OSBPL8: variants seen among roughly 807,000 people sequenced by gnomAD.
OSBPL8 encodes oxysterol-binding protein-related protein 8.
Under a neutral mutation model 125.5 loss-of-function variants are expected in OSBPL8, and 59 were observed. That is an observed-to-expected ratio of 0.47 (90% CI 0.38 to 0.58). OSBPL8 has a LOEUF of 0.58. Among genes scored for constraint, OSBPL8 ranks in the 20% least tolerant of loss-of-function variants. The pLI is 0.00. For missense variants in OSBPL8, 758 were observed against 1,047.8 expected (o/e 0.72, Z 3.82); for synonymous variants, 330 against 338.9 (o/e 0.97, Z 0.29).
In OSBPL8 at chr12:76,376,631, A is replaced by G. The variant is rs570016601; in HGVS notation, c.1730-1261T>C. On this transcript the variant is annotated intron_variant, in intron 16 of 23. Transcript: ENST00000261183. ...TTTCTAAATGATAGAAAATTTAAAA[A>G]TATGTGTTCTTATCAATTCATAATT... 1.1e-4 allele frequency among the ~76,000 whole-genome samples: 17 copies of G among 152,284 alleles called. No individual in the cohort carries two copies. In the East Asian group the frequency reaches 2.5e-3, roughly 22 times the overall value.
Position 76,386,579 on chromosome 12 carries a change from C to G in OSBPL8, c.1434G>C (p.Lys478Asn). The change falls in exon 13 of 24, where the codon AAG becomes AAC. Residue 478 changes from lysine (K) to asparagine (N), a missense_variant and splice_region_variant. Lys to Asn is a moderately conservative substitution (Grantham distance 94). This residue lies in a region of OSBPL8 where 572 missense variants were observed against 762.0 expected (regional missense o/e 0.75). Coordinates refer to ENST00000261183, the MANE Select transcript of OSBPL8 (RefSeq NM_020841.5). ...ATAAAATGTAAACAAACATTATTAC[C>G]TTTGGCTTTTTATAGAATCCTGACA... ...WYLSGFYKKP[K>N]GLKKPYNPIL... 6.3e-7 allele frequency: 1 copy of G among 1,588,820 alleles called. No homozygotes were observed. The highest frequency in any genetic ancestry group is 8.6e-7 in the Non-Finnish European group (1 of 1,165,076).
At chr12:76,461,453 T>C (rs1874720393) in intron 2 of OSBPL8, among the ~76,000 whole-genome samples, 1 of 152,032 alleles carries the variant, frequency 6.6e-6, no homozygotes, top group South Asian at 2.1e-4. Flanking sequence ...CCCCAGTCTT[T>C]CGTTTTTTGT....
At chr12:76,473,477 T>A (rs140475566) in intron 2 of OSBPL8, among the ~76,000 whole-genome samples, 1 of 152,170 alleles carries the variant, frequency 6.6e-6, no homozygotes, top group Non-Finnish European at 1.5e-5. Context: ...TTTTCAACCT[T>A]AGATGCACAT....
chr12:76,391,943 G>A (rs1366670132), intron 10 of OSBPL8, among the ~76,000 whole-genome samples: 1 of 152,146 alleles, frequency 6.6e-6, no homozygotes, highest in Non-Finnish European at 1.5e-5. Context: ...GGGACAGGGA[G>A]GAAATAGAAA....
At chr12:76,504,081 A>T (rs2137134324) in intron 1 of OSBPL8, among the ~76,000 whole-genome samples, 1 of 143,228 alleles carries the variant, frequency 7.0e-6, no homozygotes, top group South Asian at 2.1e-4. Flanking sequence ...CAACCACTTA[A>T]AGGCCAAAAA....
intron 21 of OSBPL8, among the ~76,000 whole-genome samples, chr12:76,361,703 CA>C (rs1456816071): frequency 2.0e-5 from 3 of 152,092 alleles, no homozygotes; most frequent in South Asian, 2.1e-4. Context: ...ATGGCAGCAG[CA>C]AAAGAGAATG....
At chr12:76,551,741 C>T (rs753500516) in intron 1 of OSBPL8, among the ~76,000 whole-genome samples, 4 of 152,162 alleles carry the variant, frequency 2.6e-5, no homozygotes, top group African/African-American at 4.8e-5. Flanking sequence ...AGAGGATCTC[C>T]TAACTTGGCC....
At chr12:76,392,289 T>G (rs902828319) in intron 10 of OSBPL8, among the ~76,000 whole-genome samples, 1 of 151,982 alleles carries the variant, frequency 6.6e-6, no homozygotes, top group African/African-American at 2.4e-5. Flanking sequence ...TAAGGAGGAG[T>G]AGGCAGAAAT....
chr12:76,553,835 G>A (rs930896802), intron 1 of OSBPL8, among the ~76,000 whole-genome samples: 1 of 151,072 alleles, frequency 6.6e-6, no homozygotes, highest in African/African-American at 2.4e-5. Context: ...AAATTAGCTG[G>A]GCATGGTGGC....
chr12:76,551,887 T>C (rs1950948963), intron 1 of OSBPL8, among the ~76,000 whole-genome samples: 1 of 152,184 alleles, frequency 6.6e-6, no homozygotes, highest in South Asian at 2.1e-4. Flanking sequence ...CTTCACACAA[T>C]TAAAATTTCT....
At chr12:76,415,555 C>T (rs1868537476) in intron 4 of OSBPL8, among the ~76,000 whole-genome samples, 1 of 152,086 alleles carries the variant, frequency 6.6e-6, no homozygotes, top group Admixed American at 6.5e-5. Flanking sequence ...TGCCCAGCCT[C>T]TGATTTAATT....
intron 4 of OSBPL8, among the ~76,000 whole-genome samples, chr12:76,446,072 A>G (rs996518238): frequency 6.6e-6 from 1 of 152,182 alleles, no homozygotes. Context: ...AATGGGGGGA[A>G]TAATGATTTA....
intron 1 of OSBPL8, among the ~76,000 whole-genome samples, chr12:76,496,903 G>A (rs1313331997): frequency 6.6e-6 from 1 of 151,786 alleles, no homozygotes; most frequent in Non-Finnish European, 1.5e-5. Context: ...GGCTGGTCTT[G>A]AACTCCTGGC....
At chr12:76,410,665 C>T (rs1314942554) in intron 4 of OSBPL8, 31 bp from the exon 5 acceptor site, 5 of 1,427,684 alleles carry the variant, frequency 3.5e-6, no homozygotes, top group Non-Finnish European at 4.9e-6. Flanking sequence ...ATCAGTATTA[C>T]TACTTTTGAA....
chr12:76,529,080 T>G (rs1032878360), intron 1 of OSBPL8, among the ~76,000 whole-genome samples: 4 of 147,042 alleles, frequency 2.7e-5, no homozygotes, highest in Non-Finnish European at 4.6e-5. Flanking sequence ...TTTTTTTAAC[T>G]ATGACAAAGC....
chr12:76,485,938 A>T, intron 2 of OSBPL8: 1 of 330,488 alleles, frequency 3.0e-6, no homozygotes, highest in Non-Finnish European at 6.0e-6. Context: ...AGATATAAAA[A>T]AAGGTAAAGT....
At chr12:76,463,689 A>G (rs997668144) in intron 2 of OSBPL8, among the ~76,000 whole-genome samples, 1 of 152,236 alleles carries the variant, frequency 6.6e-6, no homozygotes, top group African/African-American at 2.4e-5. Context: ...ACAATGAAAA[A>G]TAAGCATGGC....
intron 15 of OSBPL8, among the ~76,000 whole-genome samples, chr12:76,382,487 C>T (rs1953104448): frequency 6.6e-6 from 1 of 152,120 alleles, no homozygotes; most frequent in Non-Finnish European, 1.5e-5. Context: ...TGGCATCTAC[C>T]TACTGGATCT....
At position 76,540,265 on chromosome 12, in the gene OSBPL8, A is replaced by G. The variant is rs560986909; in HGVS notation, c.-68+19132T>C. Among the ~76,000 whole-genome samples, 4 of 152,310 alleles carry G rather than the reference A, an allele frequency of 2.6e-5. No individual in the cohort carries two copies. The South Asian group carries it at 8.3e-4, about 32-fold the overall frequency. On this transcript the variant is annotated intron_variant, in intron 1 of 23. Transcript: ENST00000261183. ...AAATTTTAGAGATCACAAAATGAACACAAAAGGGTTAAGTGACTACTTGCC... is the reference window on the plus strand; with the variant it reads ...AAATTTTAGAGATCACAAAATGAACGCAAAAGGGTTAAGTGACTACTTGCC...
Sources: allele counts gnomAD v4.1 joint callset (sites outside exome capture counted in the v4.1 genomes callset), GRCh38; gene constraint gnomAD v4.1.1; regional missense constraint gnomAD v4.1.1; transcripts MANE v1.5; gene names NCBI Gene and HGNC (gene_info 2026-07-23, HGNC 2026-07-21).